The following TGM2 variants were observed in gnomAD, a reference collection of about 807,000 sequenced individuals.
TGM2 encodes protein-glutamine gamma-glutamyltransferase 2.
TGM2 carries 53 observed loss-of-function variants against 75.6 expected under a neutral mutation model. That is an observed-to-expected ratio of 0.70 (90% confidence interval 0.56 to 0.88). The LOEUF (loss-of-function observed/expected upper bound fraction) is 0.88. TGM2 is among the 40% of genes least tolerant of loss of function. TGM2 has a pLI of 0.00. For synonymous variants in TGM2, 374 were observed against 381.1 expected, an observed-to-expected ratio of 0.98 and a Z score of 0.22; for missense variants, 842 against 928.5, an observed-to-expected ratio of 0.91 and a Z score of 1.21.
chr20:38,145,229 G>A (rs1311351581), intron 6 of TGM2: 1 of 152,162 alleles, frequency 6.6e-6, no homozygotes, highest in Non-Finnish European at 1.5e-5. Flanking sequence ...GATGTGCTGG[G>A]GGCCCTGCCA....
upstream of TGM2, among the ~76,000 whole-genome samples, chr20:38,166,773 G>A (rs1432687005): frequency 6.6e-6 from 1 of 152,196 alleles, no homozygotes; most frequent in Admixed American, 6.5e-5. Flanking sequence ...TCTGGCTGGA[G>A]TCTCAGTGAA....
In TGM2 at chr20:38,141,301, C is replaced by T. The variant is rs764303942; in HGVS notation, c.1080G>A (p.Thr360=). ...GYEGWQALDP[T]PQEKSEGTYC... ...ACGCACCTTCGCTCTTCTCCTGGGG[C>T]GTTGGGTCCAGGGCCTGCCAGCCCT... The change falls in exon 8 of 13, where the codon ACG becomes ACA. Residue 360 remains threonine, a synonymous_variant. Coordinates refer to ENST00000361475, the MANE Select transcript of TGM2 (RefSeq NM_004613.4). 8 of 1,580,956 alleles carry T rather than the reference C, an allele frequency of 5.1e-6. No individual in the cohort carries two copies. Among genetic ancestry groups the T allele is most frequent in the South Asian group, 1.2e-5 (1 of 86,200 alleles).
At chr20:38,131,371 T>G (rs572317882) in intron 11 of TGM2, 142 bp from the exon 12 acceptor site, 1 of 1,203,924 alleles carries the variant, frequency 8.3e-7, no homozygotes, top group African/African-American at 1.5e-5. Flanking sequence ...CCCACCTCTG[T>G]GCCTCAGTTT....
rs761100486 is a variant in TGM2 at position 38,142,141 on chromosome 20, G to A, written c.918C>T (p.Asp306=). Residue 306 remains aspartate, a synonymous_variant, in exon 7 of 13, where the codon GAC becomes GAT. Coordinates refer to ENST00000361475, the MANE Select transcript of TGM2 (RefSeq NM_004613.4). The stretch of plus-strand genomic sequence containing the variant: ...ACTCGATGAGAAGGTTGCTGTTCTG[G>A]TCATGGGCCGAGTTGTAGTTGGTCA... The part of the protein sequence containing the change: ...RVVTNYNSAH[D]QNSNLLIEYF... 5 of 1,614,080 alleles carry A rather than the reference G, an allele frequency of 3.1e-6. No homozygotes were observed. The South Asian group carries it at 3.3e-5, about 11-fold the overall frequency.
At chr20:38,166,238 A>G (rs1035526490), upstream of TGM2, among the ~76,000 whole-genome samples, 1 of 151,798 alleles carries the variant, frequency 6.6e-6, no homozygotes, top group Non-Finnish European at 1.5e-5. Flanking sequence ...CCATCCATCT[A>G]CCCATCCATC....
At chr20:38,141,203 C>T (rs1568687768) in intron 8 of TGM2, 79 bp downstream of exon 8, 6 of 1,234,544 alleles carry the variant, frequency 4.9e-6, no homozygotes, top group East Asian at 5.1e-5. Flanking sequence ...CTAGTTCTGC[C>T]GCCCTCCAGC....
intron 10 of TGM2, chr20:38,133,562 T>C (rs1008348616): frequency 6.6e-6 from 1 of 152,338 alleles, no homozygotes; most frequent in Admixed American, 6.5e-5. Context: ...TTTTAAGGAT[T>C]CATGTAGTTT....
chr20:38,155,006 T>C (rs967199691), intron 3 of TGM2, among the ~76,000 whole-genome samples: 2 of 152,222 alleles, frequency 1.3e-5, no homozygotes, highest in African/African-American at 4.8e-5. Context: ...CTGGGGAGGC[T>C]GAGGCAGGAG....
chr20:38,160,812 T>C (rs2075243570), intron 2 of TGM2, among the ~76,000 whole-genome samples: 2 of 152,168 alleles, frequency 1.3e-5, no homozygotes, highest in South Asian at 4.2e-4. Context: ...TGTTTTGATA[T>C]GGGAAAGGGC....
intron 10 of TGM2, chr20:38,133,238 A>C (rs1390067265): frequency 5.2e-6 from 1 of 191,732 alleles, no homozygotes; most frequent in Non-Finnish European, 1.1e-5. Flanking sequence ...CCCGTTGCAC[A>C]GATGAAGAAT....
chr20:38,164,599 ATAAAATAAGG>A (rs2075290606), intron 1 of TGM2, among the ~76,000 whole-genome samples: 1 of 152,178 alleles, frequency 6.6e-6, no homozygotes, highest in African/African-American at 2.4e-5. Context: ...ACCTTGTCCT[ATAAAATAAGG>A]ACACTGTTGT....
chr20:38,155,297 GT>G (rs2075170412), intron 3 of TGM2, among the ~76,000 whole-genome samples: 1 of 152,162 alleles, frequency 6.6e-6, no homozygotes, highest in African/African-American at 2.4e-5. Flanking sequence ...AGCGAGTGAA[GT>G]CCCTTGGTAA....
rs1464671599 is a variant in TGM2, at chr20:38,127,412, A to AT, written c.*2806dup. 7 of 978,190 alleles carry AT rather than the reference A, an allele frequency of 7.2e-6. No homozygotes were observed. Among genetic ancestry groups the AT allele is most frequent in the Non-Finnish European group, 8.5e-6 (7 of 823,538 alleles). The allele number at this position is 978,190 out of a possible 1,614,324, so 60.6% of individuals were successfully genotyped here. A position where few individuals can be genotyped will look rare whatever the true frequency, so the allele number is the denominator to read the frequency against. ...TGATGTCATGTTTTTATTTTGATTTATTTTTTATGTGCATGTCATGTCTTT... is the reference window on the plus strand; with the variant it reads ...TGATGTCATGTTTTTATTTTGATTTATTTTTTTATGTGCATGTCATGTCTTT... On this transcript the variant is annotated 3_prime_UTR_variant, in exon 13 of 13. Transcript: ENST00000361475.
At chr20:38,158,518 C>G (rs980847130) in intron 2 of TGM2, among the ~76,000 whole-genome samples, 4 of 152,146 alleles carry the variant, frequency 2.6e-5, no homozygotes, top group Non-Finnish European at 5.9e-5. Flanking sequence ...TTCTATCAGC[C>G]TCATAAGGGT....
At position 38,139,608 on chromosome 20, in the gene TGM2, G is replaced by T. The variant is rs541717032; in HGVS notation, c.1146C>A (p.Gly382=). The T allele has an allele frequency of 3.7e-6, 6 of 1,614,150 alleles. No individual in the cohort carries two copies. The African/African-American group carries it at 8.0e-5, about 22-fold the overall frequency. The change falls in exon 9 of 13, where the codon GGC becomes GGA. Residue 382 remains glycine (G), a synonymous_variant. Coordinates refer to ENST00000361475, the MANE Select transcript of TGM2 (RefSeq NM_004613.4). ...GCGCATCGTACTTGGTGCTCAGGTC[G>T]CCCTCCTTGATGGCACGAACTGGAA... The part of the protein sequence containing the change: ...GPVPVRAIKE[G]DLSTKYDAPF...
At chr20:38,160,151 C>A (rs2075236949) in intron 2 of TGM2, among the ~76,000 whole-genome samples, 1 of 152,208 alleles carries the variant, frequency 6.6e-6, no homozygotes, top group Non-Finnish European at 1.5e-5. Context: ...CCATGATAAG[C>A]CTTATCAACA....
rs771079500 is a variant in TGM2, at chr20:38,151,007, T to C, written c.484A>G (p.Thr162Ala). The change falls in exon 4 of 13, where the codon ACC becomes GCC. Residue 162 changes from threonine (T) to alanine (A), a missense_variant. Transcript: ENST00000361475. ...SEEERQEYVL[T>A]QQGFIYQGSA... Reference sequence around the variant, plus strand: ...CCCTGGTAGATAAAGCCCTGCTGGGTGAGGACATACTCCTGCCGCTCCTCT... The same window carrying C: ...CCCTGGTAGATAAAGCCCTGCTGGGCGAGGACATACTCCTGCCGCTCCTCT... The C allele has an allele frequency of 6.2e-7, 1 of 1,614,104 alleles. No homozygotes were observed. Among genetic ancestry groups the C allele is most frequent in the African/African-American group, 1.3e-5 (1 of 75,034 alleles).
In TGM2 at chr20:38,148,060, C is replaced by G. The variant is rs1174963854; in HGVS notation, c.582G>C (p.Leu194=). The G allele has an allele frequency of 6.2e-7, 1 of 1,614,032 alleles. No individual in the cohort carries two copies. The highest frequency in any genetic ancestry group is 1.3e-5 in the African/African-American group (1 of 74,926). ...QFEDGILDIC[L]ILLDVNPKFL... is the part of the protein sequence containing the mutation. ...ACTTGGGGTTGACATCTAGAAGGAT[C>G]AGGCAGATGTCTAGGATCCCATCTT... The change falls in exon 5 of 13, where the codon CTG becomes CTC. Residue 194 remains leucine, a synonymous_variant. Coordinates refer to ENST00000361475, the MANE Select transcript of TGM2 (RefSeq NM_004613.4).
At position 38,138,167 on chromosome 20, in the gene TGM2, C is replaced by T. The variant is rs1338330061; in HGVS notation, c.1561G>A (p.Gly521Arg). ...AGGTACTTGGTGCCACACTCGGGCCCCAAGATCCCATTGTAGCTGACGGTG... is the reference window on the plus strand; with the variant it reads ...AGGTACTTGGTGCCACACTCGGGCCTCAAGATCCCATTGTAGCTGACGGTG... The part of the protein sequence containing the change: ...ARTVSYNGIL[G>R]PECGTKYLLN... The change falls in exon 10 of 13, where the codon GGG (glycine) becomes AGG (arginine). Residue 521 changes from glycine (G) to arginine (R), a missense_variant. Gly to Arg is a moderately radical substitution (Grantham distance 125, BLOSUM62 -2). Transcript: ENST00000361475. The T allele has an allele frequency of 1.2e-6, 2 of 1,605,320 alleles. No individual in the cohort carries two copies. Among genetic ancestry groups the T allele is most frequent in the Non-Finnish European group, 1.7e-6 (2 of 1,176,062 alleles).
Sources: gnomAD v4.1 joint callset for allele counts (sites outside exome capture counted in the v4.1 genomes callset) on GRCh38, gnomAD v4.1.1 for gene constraint, MANE v1.5 for transcripts, NCBI Gene and HGNC (gene_info 2026-07-23, HGNC 2026-07-21) for gene names.